The following ST6GAL1 variants were observed in gnomAD, a reference collection of about 807,000 sequenced individuals.
ST6GAL1 encodes beta-galactoside alpha-2,6-sialyltransferase 1.
Under a neutral mutation model 38.0 loss-of-function variants are expected in ST6GAL1, and 20 were observed. That is an observed-to-expected ratio of 0.53 (90% CI 0.37 to 0.77). ST6GAL1 has a LOEUF of 0.77. Ranked by LOEUF, ST6GAL1 falls within the 30% of genes least tolerant of loss-of-function variation. The probability of loss-of-function intolerance (pLI) is 0.00; values close to 1 mark genes in which losing one functional copy is unlikely to be tolerated. For missense variants in ST6GAL1, 432 were observed against 496.4 expected (o/e 0.87, Z 1.23); for synonymous variants, 196 against 188.2 (o/e 1.04, Z -0.34).
intron 2 of ST6GAL1, chr3:186,996,615 T>G (rs557767182): frequency 2.2e-4 from 34 of 152,234 alleles, no homozygotes; most frequent in African/African-American, 7.9e-4. Context: ...CTGGAGAACC[T>G]GAAGTAGCAA....
intron 5 of ST6GAL1, among the ~76,000 whole-genome samples, chr3:187,070,523 C>A (rs1249864572): frequency 6.8e-6 from 1 of 147,004 alleles, no homozygotes; most frequent in Non-Finnish European, 1.5e-5. Context: ...CTCCTGGGTT[C>A]AAGTGATTCT....
At chr3:187,055,753 G>A (rs1037045430) in intron 5 of ST6GAL1, among the ~76,000 whole-genome samples, 3 of 152,196 alleles carry the variant, frequency 2.0e-5, no homozygotes, top group Non-Finnish European at 4.4e-5. Context: ...CAATAAGTGC[G>A]ATGTGGTGCT....
At chr3:187,068,720 T>C (rs959214281) in intron 5 of ST6GAL1, among the ~76,000 whole-genome samples, 2 of 152,204 alleles carry the variant, frequency 1.3e-5, no homozygotes, top group Non-Finnish European at 2.9e-5. Context: ...AAAGGGGCTA[T>C]AGCAGGGGGA....
At chr3:187,005,996 TG>T (rs1716775021) in intron 2 of ST6GAL1, 2 of 152,078 alleles carry the variant, frequency 1.3e-5, no homozygotes, top group South Asian at 4.2e-4. Flanking sequence ...GTGGTGCAAG[TG>T]GGGTGAGCCA....
intron 2 of ST6GAL1, among the ~76,000 whole-genome samples, chr3:186,995,749 CAGG>C (rs1393491941): frequency 6.6e-6 from 1 of 151,940 alleles, no homozygotes; most frequent in Non-Finnish European, 1.5e-5. Context: ...GAGGCTGAGG[CAGG>C]AGAATAGCTT....
At chr3:186,954,282 C>T (rs1419900596) in intron 1 of ST6GAL1, among the ~76,000 whole-genome samples, 7 of 152,224 alleles carry the variant, frequency 4.6e-5, no homozygotes, top group South Asian at 2.1e-4. Context: ...AATAGTGCTG[C>T]GATGAACATA....
chr3:187,001,287 T>C (rs1716608502), intron 2 of ST6GAL1, among the ~76,000 whole-genome samples: 2 of 152,246 alleles, frequency 1.3e-5, no homozygotes, highest in African/African-American at 4.8e-5. Context: ...GTCTCAGGCA[T>C]TGAATCAGAG....
intron 2 of ST6GAL1, among the ~76,000 whole-genome samples, chr3:186,989,893 G>C (rs79338250): frequency 0.021 from 3,236 of 152,222 alleles, 98 homozygotes; most frequent in African/African-American, 0.071. Context: ...CAAGGTCCCG[G>C]TCAACACTCT....
intron 2 of ST6GAL1, among the ~76,000 whole-genome samples, chr3:187,005,089 G>C (rs999127049): frequency 2.0e-5 from 3 of 151,638 alleles, no homozygotes; most frequent in African/African-American, 4.8e-5. Flanking sequence ...CTTTTTTAAG[G>C]TTTTTATATA....
intron 2 of ST6GAL1, among the ~76,000 whole-genome samples, chr3:187,005,867 G>T (rs924753944): frequency 6.6e-6 from 1 of 152,186 alleles, no homozygotes; most frequent in African/African-American, 2.4e-5. Context: ...AGAAGGGAAG[G>T]ACCGACCAAC....
chr3:187,054,049 C>T (rs562124913), intron 5 of ST6GAL1, among the ~76,000 whole-genome samples: 1 of 152,220 alleles, frequency 6.6e-6, no homozygotes, highest in East Asian at 1.9e-4. Flanking sequence ...GTATTTTATT[C>T]TCTTTGTAGC....
At chr3:186,999,015 C>A (rs1455662117) in intron 2 of ST6GAL1, among the ~76,000 whole-genome samples, 2 of 152,270 alleles carry the variant, frequency 1.3e-5, no homozygotes, top group Non-Finnish European at 2.9e-5. Flanking sequence ...TCTCCCTCCT[C>A]TTCCCACTGT....
At chr3:186,971,464 A>G (rs755223317) in intron 2 of ST6GAL1, among the ~76,000 whole-genome samples, 14 of 152,212 alleles carry the variant, frequency 9.2e-5, no homozygotes, top group Non-Finnish European at 1.6e-4. Flanking sequence ...TTTCCCTAAC[A>G]GCTGGTTGTG....
At chr3:187,072,810 T>C (rs1004734402) in intron 5 of ST6GAL1, 39 bp from the exon 6 acceptor site, 2 of 1,553,668 alleles carry the variant, frequency 1.3e-6, no homozygotes, top group East Asian at 2.2e-5. Context: ...CATTTGCATA[T>C]GAATGTTCAA....
At chr3:186,959,804 T>G (rs1171365365) in intron 1 of ST6GAL1, among the ~76,000 whole-genome samples, 1 of 152,238 alleles carries the variant, frequency 6.6e-6, no homozygotes, top group South Asian at 2.1e-4. Context: ...CAATAAAAGC[T>G]CTTAGCTTAT....
intron 2 of ST6GAL1, among the ~76,000 whole-genome samples, chr3:186,979,987 C>T (rs1715640770): frequency 6.6e-6 from 1 of 152,172 alleles, no homozygotes; most frequent in Admixed American, 6.5e-5. Context: ...ATTTATTCCT[C>T]CGTATACCCT....
At chr3:187,015,628 A>T (rs1460740120) in intron 2 of ST6GAL1, among the ~76,000 whole-genome samples, 1 of 152,092 alleles carries the variant, frequency 6.6e-6, no homozygotes, top group Non-Finnish European at 1.5e-5. Flanking sequence ...GGTTGAGCCC[A>T]GGGGGTTCAA....
At chr3:187,010,468 T>C (rs2108558288) in intron 2 of ST6GAL1, among the ~76,000 whole-genome samples, 1 of 152,080 alleles carries the variant, frequency 6.6e-6, no homozygotes, top group East Asian at 1.9e-4. Flanking sequence ...GAAAAATGAT[T>C]TATTTATTTT....
rs186650714 is a variant in ST6GAL1, at chr3:187,047,129, T to A, written c.607+3819T>A. 9.5e-3 allele frequency among the ~76,000 whole-genome samples: 1,450 copies of A among 152,224 alleles called. 24 individuals carry two copies. The highest frequency in any genetic ancestry group is 0.033 in the African/African-American group (1,380 of 41,526). ...CCTGGCTAATTTTTTGTATTTTTAG[T>A]AGAGACAGGGTTTCACCGTGTTAGC... On this transcript the variant is annotated intron_variant, in intron 4 of 7. Coordinates refer to ENST00000169298, the MANE Select transcript of ST6GAL1 (RefSeq NM_173216.2).
Sources: gnomAD v4.1 joint callset for allele counts (sites outside exome capture counted in the v4.1 genomes callset) on GRCh38, gnomAD v4.1.1 for gene constraint, MANE v1.5 for transcripts, NCBI Gene and HGNC (gene_info 2026-07-23, HGNC 2026-07-21) for gene names.